Variants in LOC400499 observed in about 807,000 individuals in gnomAD.
At chr16:11,508,120 C>T in the LOC400499 span, among the ~76,000 whole-genome samples, 1 of 152,164 alleles carries the variant, frequency 6.6e-6, no homozygotes, top group South Asian at 2.1e-4. Context: ...ACATCACTTT[C>T]CTCCCCCAGG....
At chr16:11,393,067 G>C in the LOC400499 span, among the ~76,000 whole-genome samples, 1 of 151,994 alleles carries the variant, frequency 6.6e-6, no homozygotes, top group African/African-American at 2.4e-5. Context: ...TGTTAGCCAG[G>C]ATGGTCTCGA....
At chr16:11,390,082 G>A in the LOC400499 span, 15 of 1,226,554 alleles carry the variant, frequency 1.2e-5, no homozygotes, top group African/African-American at 7.8e-5. Flanking sequence ...CGCAGGATGC[G>A]CTACTCTCAA....
chr16:11,492,660 C>G, the LOC400499 span, among the ~76,000 whole-genome samples: 2 of 152,046 alleles, frequency 1.3e-5, no homozygotes, highest in African/African-American at 4.8e-5. Flanking sequence ...TGGCGGGCAC[C>G]TGTAGTCCCA....
chr16:11,460,096 C>T, the LOC400499 span: 1 of 1,304,500 alleles, frequency 7.7e-7, no homozygotes, highest in Non-Finnish European at 9.8e-7. Flanking sequence ...GGAGGCCCTG[C>T]CCACCCAGTC....
the LOC400499 span, among the ~76,000 whole-genome samples, chr16:11,420,376 T>C: frequency 4.3e-5 from 6 of 137,974 alleles, no homozygotes; most frequent in East Asian, 4.2e-4. Context: ...TTCTCACTCA[T>C]AGATGGGAAT....
chr16:11,484,561 A>C, the LOC400499 span, among the ~76,000 whole-genome samples: 4 of 152,188 alleles, frequency 2.6e-5, no homozygotes, highest in East Asian at 5.8e-4. Context: ...TATTAACAAG[A>C]ACAGGAGTAC....
the LOC400499 span, chr16:11,393,638 G>A: frequency 2.2e-3 from 2,599 of 1,165,274 alleles, 48 homozygotes; most frequent in African/African-American, 0.037. Flanking sequence ...CCCAGGCTCA[G>A]GAAGAGGCTG....
chr16:11,442,560 A>T, the LOC400499 span: 30 of 152,170 alleles, frequency 2.0e-4, no homozygotes, highest in Non-Finnish European at 4.1e-4. Flanking sequence ...GCTAAATTAT[A>T]TGAAACTAAA....
At chr16:11,502,130 C>A in the LOC400499 span, 1 of 399,132 alleles carries the variant, frequency 2.5e-6, no homozygotes, top group Middle Eastern at 6.3e-4. Context: ...TCAGCTCACC[C>A]CCAGAAAGGC....
chr16:11,481,050 A>G, the LOC400499 span, among the ~76,000 whole-genome samples: 1 of 152,258 alleles, frequency 6.6e-6, no homozygotes, highest in African/African-American at 2.4e-5. Flanking sequence ...GCTACGCTAC[A>G]ATGTGGGTGA....
the LOC400499 span, among the ~76,000 whole-genome samples, chr16:11,484,337 G>T: frequency 1.3e-5 from 2 of 152,132 alleles, no homozygotes; most frequent in Non-Finnish European, 2.9e-5. Flanking sequence ...ATCTGGAAGA[G>T]ACTTTTGGGA....
At chr16:11,503,361 G>T in the LOC400499 span, among the ~76,000 whole-genome samples, 241 of 152,306 alleles carry the variant, frequency 1.6e-3, 1 homozygote, top group African/African-American at 5.4e-3. Flanking sequence ...TTTAGGAGAT[G>T]TTTAGTTTGG....
At chr16:11,495,381 ATCT>A in the LOC400499 span, among the ~76,000 whole-genome samples, 2 of 144,878 alleles carry the variant, frequency 1.4e-5, no homozygotes, top group African/African-American at 2.7e-5. Context: ...AGACCAACAA[ATCT>A]TTTTTTTTTT....
At chr16:11,512,715 G>A in the LOC400499 span, among the ~76,000 whole-genome samples, 1 of 152,176 alleles carries the variant, frequency 6.6e-6, no homozygotes. Context: ...TATGGTATGT[G>A]AATTCTCTCT....
the LOC400499 span, among the ~76,000 whole-genome samples, chr16:11,413,355 C>T: frequency 6.6e-6 from 1 of 152,164 alleles, no homozygotes; most frequent in African/African-American, 2.4e-5. Context: ...CCCCTGACCC[C>T]CTGGGAGCTG....
At chr16:11,454,001 G>T in the LOC400499 span, among the ~76,000 whole-genome samples, 1 of 152,030 alleles carries the variant, frequency 6.6e-6, no homozygotes, top group Non-Finnish European at 1.5e-5. Context: ...CTATGCTAAG[G>T]ACCCAGTACA....
the LOC400499 span, chr16:11,424,036 A>G: frequency 7.5e-6 from 3 of 399,016 alleles, no homozygotes; most frequent in African/African-American, 6.2e-5. Context: ...TCTGGGCAGA[A>G]GCAAAGCTGT....
the LOC400499 span, chr16:11,396,255 T>G: frequency 5.9e-6 from 2 of 337,164 alleles, no homozygotes; most frequent in Non-Finnish European, 1.1e-5. Flanking sequence ...GCCTCTCTGT[T>G]ATAGGAAGGG....
chr16:11,475,732 G>A, the LOC400499 span: 1 of 398,866 alleles, frequency 2.5e-6, no homozygotes, highest in Non-Finnish European at 4.4e-6. Context: ...GGGGAAAGAG[G>A]ACAGTGTCAG....
Sources: gnomAD v4.1 joint callset for allele counts (sites outside exome capture counted in the v4.1 genomes callset) on GRCh38, gnomAD v4.1.1 for gene constraint, MANE v1.5 for transcripts.